The following LPIN1 variants were observed in gnomAD, a reference collection of about 807,000 sequenced individuals.
LPIN1 encodes lipin 1.
In LPIN1, 71 loss-of-function variants were observed where a neutral mutation model predicts 107.5. That is an observed-to-expected ratio of 0.66 (90% CI 0.55 to 0.80). The LOEUF (loss-of-function observed/expected upper bound fraction) is 0.80, where lower values mean the gene tolerates loss of function less well. Ranked by LOEUF, LPIN1 falls within the 30% of genes least tolerant of loss-of-function variation. The pLI is 0.00. For missense variants in LPIN1, 1,043 were observed against 1,160.6 expected, an observed-to-expected ratio of 0.90 and a Z score of 1.47; for synonymous variants, 445 against 452.6, an observed-to-expected ratio of 0.98 and a Z score of 0.21.
intron 20 of LPIN1, among the ~76,000 whole-genome samples, chr2:11,821,958 T>C (rs1199231114): frequency 1.3e-5 from 2 of 152,172 alleles, no homozygotes; most frequent in African/African-American, 4.8e-5. Context: ...AACCCTTCCT[T>C]GCGGTTTCTG....
At chr2:11,790,406 C>T (rs569491205) in intron 12 of LPIN1, among the ~76,000 whole-genome samples, 9 of 152,308 alleles carry the variant, frequency 5.9e-5, no homozygotes, top group Admixed American at 2.6e-4. Context: ...GCATCTGAAA[C>T]GGGAGGGTAG....
At chr2:11,708,075 C>T (rs1346551740) in intron 1 of LPIN1, among the ~76,000 whole-genome samples, 11 of 152,016 alleles carry the variant, frequency 7.2e-5, no homozygotes, top group Admixed American at 7.2e-4. Flanking sequence ...CAACCTTCAC[C>T]TAGACCCTTG....
intron 2 of LPIN1, among the ~76,000 whole-genome samples, chr2:11,766,281 A>G (rs533977985): frequency 5.3e-5 from 8 of 151,858 alleles, no homozygotes; most frequent in African/African-American, 1.9e-4. Context: ...GCTGTGCTCT[A>G]CTGGTTGGGG....
Position 11,824,981 on chromosome 2 carries a change from G to T in LPIN1, c.*190G>T. On this transcript the variant is annotated 3_prime_UTR_variant, in exon 21 of 21. Coordinates refer to ENST00000674199, the MANE Select transcript of LPIN1 (RefSeq NM_001349206.2). ...TGACATTTCTAAGCAAGATAGGAAG[G>T]GAGCACTTTCTAGGCTAGGAGTTGG... The T allele has an allele frequency of 1.5e-6, 1 of 646,492 alleles. No individual in the cohort carries two copies. The highest frequency in any genetic ancestry group is 2.7e-6 in the Non-Finnish European group (1 of 375,358). The allele number at this position is 646,492 out of a possible 1,614,324, so 40.0% of individuals were successfully genotyped here. A position where few individuals can be genotyped will look rare whatever the true frequency, so the allele number is the denominator to read the frequency against.
chr2:11,819,457 T>G (rs1681157516), intron 18 of LPIN1, 27 bp from the exon 19 acceptor site: 2 of 1,391,182 alleles, frequency 1.4e-6, no homozygotes, highest in African/African-American at 2.8e-5. Context: ...GCCTCTCATG[T>G]TAATCTGTTA....
intron 1 of LPIN1, among the ~76,000 whole-genome samples, chr2:11,683,961 G>A (rs1208929128): frequency 6.6e-6 from 1 of 152,230 alleles, no homozygotes; most frequent in Admixed American, 6.5e-5. Context: ...GCCCAGCATG[G>A]GGGTGAGTGA....
At chr2:11,767,646 G>T in intron 2 of LPIN1, 117 bp from the exon 3 acceptor site, 1 of 741,412 alleles carries the variant, frequency 1.3e-6, no homozygotes. Context: ...TGGGAGTTGT[G>T]TGGCACTTCA....
intron 17 of LPIN1, among the ~76,000 whole-genome samples, chr2:11,805,898 C>T (rs982682149): frequency 1.3e-5 from 2 of 152,182 alleles, no homozygotes; most frequent in African/African-American, 4.8e-5. Context: ...CCGCCCCTTC[C>T]GAAACACCCC....
intron 2 of LPIN1, among the ~76,000 whole-genome samples, chr2:11,766,884 A>G (rs1486882716): frequency 6.6e-6 from 1 of 152,168 alleles, no homozygotes; most frequent in African/African-American, 2.4e-5. Flanking sequence ...GGAAAGCGTA[A>G]TGGTGGTTAC....
intron 1 of LPIN1, among the ~76,000 whole-genome samples, chr2:11,729,011 C>T (rs962629801): frequency 5.3e-5 from 8 of 152,134 alleles, no homozygotes; most frequent in Non-Finnish European, 1.0e-4. Flanking sequence ...TGATTAGATC[C>T]CATTTGTCAA....
At chr2:11,755,923 G>A (rs186982210) in intron 1 of LPIN1, among the ~76,000 whole-genome samples, 11 of 151,904 alleles carry the variant, frequency 7.2e-5, no homozygotes, top group East Asian at 3.9e-4. Flanking sequence ...TGGTTTCACC[G>A]TGTTAGCCAG....
intron 13 of LPIN1, among the ~76,000 whole-genome samples, chr2:11,792,882 C>T (rs1027930171): frequency 9.2e-5 from 14 of 152,328 alleles, no homozygotes; most frequent in African/African-American, 3.4e-4. Context: ...CTGTGTCCAC[C>T]TGGGTCTCCT....
At chr2:11,719,324 G>A (rs1663963142) in intron 2 of LPIN1, among the ~76,000 whole-genome samples, 1 of 152,172 alleles carries the variant, frequency 6.6e-6, no homozygotes, top group Non-Finnish European at 1.5e-5. Flanking sequence ...TTGCCTGGAA[G>A]ATCCAACTGG....
intron 5 of LPIN1, among the ~76,000 whole-genome samples, chr2:11,775,460 A>G (rs1433437560): frequency 6.6e-6 from 1 of 152,268 alleles, no homozygotes; most frequent in Non-Finnish European, 1.5e-5. Flanking sequence ...TGAATGCAGC[A>G]TAATGACTGA....
At chr2:11,761,694 A>G (rs1198571195) in intron 1 of LPIN1, among the ~76,000 whole-genome samples, 1 of 152,104 alleles carries the variant, frequency 6.6e-6, no homozygotes, top group East Asian at 1.9e-4. Flanking sequence ...CTCATTTGCA[A>G]ATGGGTGTGC....
intron 1 of LPIN1, among the ~76,000 whole-genome samples, chr2:11,750,322 CTG>C (rs1458341909): frequency 2.6e-5 from 4 of 152,228 alleles, no homozygotes; most frequent in Non-Finnish European, 4.4e-5. Context: ...CCATTGGACT[CTG>C]TGCAATGCCA....
At chr2:11,682,860 C>T (rs942519849) in intron 1 of LPIN1, 1 of 152,200 alleles carries the variant, frequency 6.6e-6, no homozygotes, top group Non-Finnish European at 1.5e-5. Context: ...CGCCTATTGT[C>T]CTGTAATTAT....
chr2:11,745,649 G>A (rs1355283694), upstream of LPIN1, among the ~76,000 whole-genome samples: 2 of 152,370 alleles, frequency 1.3e-5, no homozygotes, highest in East Asian at 3.9e-4. Flanking sequence ...GGTGAAGGCT[G>A]CAGTGAACCG....
At chr2:11,746,569 C>T (rs1666944989), upstream of LPIN1, 2 of 875,858 alleles carry the variant, frequency 2.3e-6, no homozygotes, top group Middle Eastern at 5.8e-4. Context: ...CGCCCCTGCC[C>T]TCTGCCCCCG....
Sources: gnomAD v4.1 joint callset for allele counts (sites outside exome capture counted in the v4.1 genomes callset) on GRCh38, gnomAD v4.1.1 for gene constraint, MANE v1.5 for transcripts, NCBI Gene and HGNC (gene_info 2026-07-23, HGNC 2026-07-21) for gene names.